The following UNKL variants were observed in gnomAD, a reference collection of about 807,000 sequenced individuals.
UNKL encodes the protein putative E3 ubiquitin-protein ligase UNKL.
In UNKL, 60 loss-of-function variants were observed where a neutral mutation model predicts 78.0. The ratio of observed to expected loss-of-function variants is 0.77; its 90% CI spans 0.63 to 0.95. The LOEUF (loss-of-function observed/expected upper bound fraction) is 0.95. UNKL is among the 40% of genes least tolerant of loss of function. UNKL has a pLI of 0.00. For synonymous variants in UNKL, 608 were observed against 474.8 expected (o/e 1.28, Z -3.65); for missense variants, 1,159 against 1,045.7 (o/e 1.11, Z -1.49).
At chr16:1,390,560 G>A in intron 9 of UNKL, 72 bp downstream of exon 9, 1 of 1,491,592 alleles carries the variant, frequency 6.7e-7, no homozygotes, top group South Asian at 1.2e-5. Flanking sequence ...CCACGGGTCA[G>A]GCACGAGGGC....
At chr16:1,369,112 T>C (rs1349250300) in intron 12 of UNKL, among the ~76,000 whole-genome samples, 2 of 124,860 alleles carry the variant, frequency 1.6e-5, no homozygotes, top group Non-Finnish European at 3.2e-5. Flanking sequence ...ATCGCCAGGC[T>C]GGATTGGAGT....
chr16:1,408,240 GC>G (rs1196346080), intron 2 of UNKL, among the ~76,000 whole-genome samples: 1 of 146,812 alleles, frequency 6.8e-6, no homozygotes. Context: ...GGGCCTCAAG[GC>G]CACGCCCACA....
chr16:1,399,146 G>A lies in UNKL; in HGVS notation c.734+228C>T, dbSNP rs2037402972. On this transcript the variant is annotated intron_variant, in intron 5 of 14. Transcript: ENST00000389221. This position sits in a 1 kb window ranked among gnomAD's most constrained non-coding sequence, Gnocchi z 5.8. ...GGCAGAGGGGCCCCGGTAGGGGACTGCATGGGAGACACTGAGCGTAGGTGG... is the reference window on the plus strand; with the variant it reads ...GGCAGAGGGGCCCCGGTAGGGGACTACATGGGAGACACTGAGCGTAGGTGG... 2 of 1,118,842 alleles carry A rather than the reference G, an allele frequency of 1.8e-6. No individual in the cohort carries two copies. Among genetic ancestry groups the A allele is most frequent in the Non-Finnish European group, 1.2e-6 (1 of 814,140 alleles). 69.3% of individuals were successfully genotyped at this position (1,118,842 alleles called of 1,614,324 possible). A position where few individuals can be genotyped will look rare whatever the true frequency, so the allele number is the denominator to read the frequency against.
chr16:1,391,983 C>T (rs1341383812), intron 8 of UNKL, among the ~76,000 whole-genome samples: 17 of 152,176 alleles, frequency 1.1e-4, no homozygotes, highest in African/African-American at 3.9e-4. Context: ...CCACCGCGCC[C>T]GGCCCTGAGT....
intron 7 of UNKL, 34 bp from the exon 8 acceptor site, chr16:1,393,010 C>G (rs1428505785): frequency 6.5e-7 from 1 of 1,547,196 alleles, no homozygotes; most frequent in Non-Finnish European, 8.7e-7. Flanking sequence ...ACTCTGAGGG[C>G]CGCTGGTGGG....
chr16:1,391,735 T>A (rs1466834139), intron 8 of UNKL, among the ~76,000 whole-genome samples: 1 of 152,158 alleles, frequency 6.6e-6, no homozygotes. Context: ...TCATCCAGGC[T>A]GGAGTGCAGT....
At chr16:1,406,282 A>G (rs2037759586) in intron 2 of UNKL, among the ~76,000 whole-genome samples, 1 of 150,784 alleles carries the variant, frequency 6.6e-6, no homozygotes, top group African/African-American at 2.4e-5. Flanking sequence ...GCACAATCTC[A>G]GCTCACTGCA....
Position 1,399,197 on chromosome 16 carries a change from G to A in UNKL, c.734+177C>T, listed in dbSNP as rs919792150. ...GGAGGCCCATCCCCAGGACAGACGCGTGGGCCTCCATGGCACCTCCCACAG... is the reference window on the plus strand; with the variant it reads ...GGAGGCCCATCCCCAGGACAGACGCATGGGCCTCCATGGCACCTCCCACAG... On this transcript the variant is annotated intron_variant, in intron 5 of 14. Transcript: ENST00000389221. The surrounding 1 kb of genome is among the most constrained non-coding windows in gnomAD (Gnocchi z 5.8). 7 of 1,192,782 alleles carry A rather than the reference G, an allele frequency of 5.9e-6. No individual in the cohort carries two copies. The highest frequency in any genetic ancestry group is 1.5e-5 in the African/African-American group (1 of 64,572). The allele number at this position is 1,192,782 out of a possible 1,614,324, so 73.9% of individuals were successfully genotyped here. A position where few individuals can be genotyped will look rare whatever the true frequency, so the allele number is the denominator to read the frequency against.
In UNKL at chr16:1,399,032, A is replaced by C; in HGVS notation, c.734+342T>G. 1 of 1,438,010 alleles carries C rather than the reference A, an allele frequency of 7.0e-7. No individual in the cohort carries two copies. The highest frequency in any genetic ancestry group is 9.1e-7 in the Non-Finnish European group (1 of 1,094,028). 89.1% of individuals were successfully genotyped at this position (1,438,010 alleles called of 1,614,324 possible). A position where few individuals can be genotyped will look rare whatever the true frequency, so the allele number is the denominator to read the frequency against. On this transcript the variant is annotated intron_variant, in intron 5 of 14. Coordinates refer to ENST00000389221, the MANE Select transcript of UNKL (RefSeq NM_001372107.1). The surrounding 1 kb of genome is among the most constrained non-coding windows in gnomAD (Gnocchi z 5.8). ...ACAGCATGCAGCCCACAGGCTGGAG[A>C]GCGTGGCTGCAACCAGAGGCACGGG...
At chr16:1,379,757 G>A (rs1426459174) in intron 10 of UNKL, 46 of 811,560 alleles carry the variant, frequency 5.7e-5, no homozygotes, top group Admixed American at 2.7e-4. Flanking sequence ...CGTCGCACTG[G>A]CCACGCCCCC....
chr16:1,377,440 GC>G (rs913138061), intron 10 of UNKL, among the ~76,000 whole-genome samples: 8 of 152,028 alleles, frequency 5.3e-5, no homozygotes, highest in Non-Finnish European at 7.4e-5. Flanking sequence ...AACAGATCTG[GC>G]CCCTGCTGTG....
intron 3 of UNKL, among the ~76,000 whole-genome samples, chr16:1,402,249 G>A (rs946786588): frequency 8.3e-4 from 84 of 100,778 alleles, no homozygotes; most frequent in African/African-American, 3.2e-3. Context: ...CCCAGACTGT[G>A]TGCTGAGTTC....
At position 1,397,236 on chromosome 16, in the gene UNKL, T is replaced by C. The variant is rs1262919712; in HGVS notation, c.794A>G (p.Asp265Gly). ...GCAATACTGGCAGCCGTCGCCGCCA[T>C]CGCAGCGTGAGGGTTCCCCCCACTC... is the stretch of plus-strand genomic sequence containing the variant. ...GDEWGEPSRC[D>G]GGDGCQYCHS... Residue 265 changes from aspartate (D) to glycine (G), a missense_variant, in exon 6 of 15, where the codon GAT becomes GGT. Asp to Gly is a moderately conservative substitution (Grantham distance 94). Transcript: ENST00000389221. The C allele has an allele frequency of 5.2e-6, 8 of 1,544,138 alleles. No individual in the cohort carries two copies. The highest frequency in any genetic ancestry group is 2.6e-6 in the Non-Finnish European group (3 of 1,146,934).
At chr16:1,380,614 G>T (rs2036566661) in intron 10 of UNKL, among the ~76,000 whole-genome samples, 1 of 110,820 alleles carries the variant, frequency 9.0e-6, no homozygotes, top group Admixed American at 1.0e-4. Flanking sequence ...AACTAAGGCA[G>T]TGTCGATCCT....
In UNKL at chr16:1,367,840, C is replaced by T. The variant is rs753344796; in HGVS notation, c.1604G>A (p.Gly535Glu). The T allele has an allele frequency of 1.3e-6, 2 of 1,571,214 alleles. No homozygotes were observed. The highest frequency in any genetic ancestry group is 1.7e-6 in the Non-Finnish European group (2 of 1,159,296). Residue 535 changes from glycine (G) to glutamate (E), a missense_variant, in exon 13 of 15, where the codon GGG becomes GAG. Transcript: ENST00000389221. ...GCCGGAAACAAAGTCCCAGATGCTCCCGGGGACACCGTTCAAACCTGAGTG... is the reference window on the plus strand; with the variant it reads ...GCCGGAAACAAAGTCCCAGATGCTCTCGGGGACACCGTTCAAACCTGAGTG... ...YSPLGLNGVPGSIWDFVSGSF... is the reference protein window; with the variant it reads ...YSPLGLNGVPESIWDFVSGSF...
chr16:1,374,828 G>C (rs1430185336), intron 10 of UNKL, among the ~76,000 whole-genome samples: 1 of 152,196 alleles, frequency 6.6e-6, no homozygotes, highest in East Asian at 1.9e-4. Flanking sequence ...GGGCCGCAGA[G>C]GGACAAAACC....
rs1341326426 is a variant in UNKL, at chr16:1,365,218, C to T, written c.*1022G>A. On this transcript the variant is annotated 3_prime_UTR_variant, in exon 15 of 15. Coordinates refer to ENST00000389221, the MANE Select transcript of UNKL (RefSeq NM_001372107.1). The stretch of plus-strand genomic sequence containing the variant: ...ATGTTGGCCAGGCTGGTCTTGAACT[C>T]CTGACCTTAGGTGATCCACCCGCCT... 1.3e-5 allele frequency: 2 copies of T among 152,132 alleles called. No homozygotes were observed. The highest frequency in any genetic ancestry group is 6.5e-5 in the Admixed American group (1 of 15,270). The allele number at this position is 152,132 out of a possible 1,614,324, so 9.4% of individuals were successfully genotyped here. A position where few individuals can be genotyped will look rare whatever the true frequency, so the allele number is the denominator to read the frequency against.
chr16:1,397,144 C>G, intron 6 of UNKL, 34 bp downstream of exon 6: 1 of 1,539,298 alleles, frequency 6.5e-7, no homozygotes, highest in South Asian at 1.2e-5. Context: ...GACCTTCCAG[C>G]GACCCCTACG....
Position 1,402,247 on chromosome 16 carries a change from G to A in UNKL, c.465-546C>T, listed in dbSNP as rs559328025. ...GCTGAAGGACTGTCTGCCCCAGACT[G>A]TGTGCTGAGTTCGTTCTCCTGGAAA... On this transcript the variant is annotated intron_variant, in intron 3 of 14. Transcript: ENST00000389221. 2.8e-3 allele frequency among the ~76,000 whole-genome samples: 303 copies of A among 107,034 alleles called. 2 individuals carry two copies. The highest frequency in any genetic ancestry group is 5.3e-3 in the African/African-American group (135 of 25,648). 70.2% of individuals were successfully genotyped at this position (107,034 alleles called of 152,430 possible).
Sources: gnomAD v4.1 joint callset for allele counts (sites outside exome capture counted in the v4.1 genomes callset) on GRCh38, gnomAD v4.1.1 for gene constraint, Gnocchi (gnomAD v3.1) non-coding constraint, MANE v1.5 for transcripts, NCBI Gene and HGNC (gene_info 2026-07-23, HGNC 2026-07-21) for gene names.